Variants in LAMA4 observed in about 807,000 individuals in gnomAD.
LAMA4 encodes laminin subunit alpha 4, also known as laminin subunit alpha-4.
LAMA4 carries 127 observed loss-of-function variants against 207.1 expected under a neutral mutation model. That is an observed-to-expected ratio of 0.61 (90% CI 0.53 to 0.71). LAMA4 has a LOEUF of 0.71. LAMA4 is among the 30% of genes least tolerant of loss of function. LAMA4 has a pLI of 0.00. For missense variants in LAMA4, 2,093 were observed against 2,246.5 expected (o/e 0.93, Z 1.38); for synonymous variants, 761 against 816.0 (o/e 0.93, Z 1.15).
intron 8 of LAMA4, chr6:112,187,202 G>A: frequency 1.7e-6 from 1 of 584,718 alleles, no homozygotes. Context: ...TAGTCTTTTA[G>A]TCATTTCATT....
At chr6:112,127,066 A>G (rs1419562595) in intron 31 of LAMA4, among the ~76,000 whole-genome samples, 5 of 152,184 alleles carry the variant, frequency 3.3e-5, no homozygotes, top group Non-Finnish European at 7.3e-5. Context: ...TTCATGCATT[A>G]ACTCATTTAG....
rs1330183231 is a variant in LAMA4 at position 112,201,695 on chromosome 6, T to C, written c.423-7A>G. On this transcript the variant is annotated splice_region_variant and splice_polypyrimidine_tract_variant and intron_variant, in intron 4 of 38. Transcript: ENST00000230538. The stretch of plus-strand genomic sequence containing the variant: ...ATAGCAGGATTCTGCAAAACTAAAA[T>C]TGGAAGCAAATATTGGAAGTCAATT... The C allele has an allele frequency of 6.2e-7, 1 of 1,612,508 alleles. No homozygotes were observed. The highest frequency in any genetic ancestry group is 8.5e-7 in the Non-Finnish European group (1 of 1,178,794).
intron 3 of LAMA4, among the ~76,000 whole-genome samples, chr6:112,209,801 G>A (rs1447638591): frequency 6.6e-6 from 1 of 152,194 alleles, no homozygotes; most frequent in Non-Finnish European, 1.5e-5. Context: ...AATAAAAAAG[G>A]TATGTTGTTG....
chr6:112,149,395 C>T (rs1360507920), intron 17 of LAMA4, among the ~76,000 whole-genome samples: 1 of 151,954 alleles, frequency 6.6e-6, no homozygotes, highest in Non-Finnish European at 1.5e-5. Flanking sequence ...GAATTGTAAT[C>T]TTCCATAATC....
intron 3 of LAMA4, among the ~76,000 whole-genome samples, chr6:112,209,065 T>G (rs1395906652): frequency 6.6e-6 from 1 of 152,106 alleles, no homozygotes; most frequent in African/African-American, 2.4e-5. Context: ...TAAAGGAAAT[T>G]AACATGAACC....
At chr6:112,254,965 T>A (rs1341924999), upstream of LAMA4, 1 of 152,182 alleles carries the variant, frequency 6.6e-6, no homozygotes, top group Non-Finnish European at 1.5e-5. Context: ...GCTAATATCT[T>A]CTCTTCAGAT....
intron 31 of LAMA4, among the ~76,000 whole-genome samples, chr6:112,124,404 T>C (rs1778554333): frequency 6.6e-6 from 1 of 152,206 alleles, no homozygotes; most frequent in African/African-American, 2.4e-5. Context: ...CAAAAATCAA[T>C]AAACTCGGGT....
chr6:112,130,543 A>G (rs996436854), intron 29 of LAMA4, among the ~76,000 whole-genome samples: 10 of 152,104 alleles, frequency 6.6e-5, no homozygotes, highest in Non-Finnish European at 1.0e-4. Context: ...TATGAAAAAT[A>G]AATTCAGTAT....
chr6:112,239,026 T>C (rs1554367129), intron 2 of LAMA4, among the ~76,000 whole-genome samples: 1 of 152,068 alleles, frequency 6.6e-6, no homozygotes, highest in African/African-American at 2.4e-5. Flanking sequence ...ATACAGATAA[T>C]AAAGATTAAA....
intron 2 of LAMA4, among the ~76,000 whole-genome samples, chr6:112,237,922 G>A (rs1786054322): frequency 6.6e-6 from 1 of 152,150 alleles, no homozygotes; most frequent in Non-Finnish European, 1.5e-5. Flanking sequence ...ACTGTTTCCC[G>A]ATTAATGTTG....
At chr6:112,200,824 T>C (rs1783697727) in intron 5 of LAMA4, among the ~76,000 whole-genome samples, 1 of 150,770 alleles carries the variant, frequency 6.6e-6, no homozygotes, top group Non-Finnish European at 1.5e-5. Flanking sequence ...TAAGTGGGAG[T>C]TGAACAATGA....
At chr6:112,139,567 C>T (rs571111646) in intron 23 of LAMA4, among the ~76,000 whole-genome samples, 185 bp downstream of exon 23, 1 of 152,304 alleles carries the variant, frequency 6.6e-6, no homozygotes, top group South Asian at 2.1e-4. Flanking sequence ...TTTAACACTT[C>T]ATACTTGGGC....
intron 2 of LAMA4, among the ~76,000 whole-genome samples, chr6:112,251,107 G>A (rs1451587413): frequency 6.6e-6 from 1 of 152,072 alleles, no homozygotes; most frequent in Admixed American, 6.6e-5. Context: ...AAGAAGCAAA[G>A]GTGGGAAAAT....
At chr6:112,164,709 A>G (rs1477905379) in intron 13 of LAMA4, among the ~76,000 whole-genome samples, 4 of 152,242 alleles carry the variant, frequency 2.6e-5, no homozygotes, top group African/African-American at 9.6e-5. Context: ...CTACTTTTAC[A>G]AAATGTGACT....
At chr6:112,186,420 T>C (rs2114935633) in intron 8 of LAMA4, among the ~76,000 whole-genome samples, 1 of 152,340 alleles carries the variant, frequency 6.6e-6, no homozygotes, top group Admixed American at 6.5e-5. Context: ...AATTCCATTT[T>C]CCCTCAGCTA....
rs1779527779 is a variant in LAMA4 at position 112,139,139 on chromosome 6, A to C, written c.3263T>G (p.Ile1088Ser). 1 of 1,614,074 alleles carries C rather than the reference A, an allele frequency of 6.2e-7. No individual in the cohort carries two copies. The highest frequency in any genetic ancestry group is 1.3e-5 in the African/African-American group (1 of 74,938). Residue 1088 changes from isoleucine (I) to serine (S), a missense_variant, in exon 24 of 39, where the codon ATT becomes AGT. Coordinates refer to ENST00000230538, the MANE Select transcript of LAMA4 (RefSeq NM_001105206.3). ...EVRTPADNGLILLMVNGSMFF... is the reference protein window; with the variant it reads ...EVRTPADNGLSLLMVNGSMFF... ...ACTCACTCCATTGACCATCAGGAGA[A>C]TAAGGCCGTTGTCAGCTGGTGTTCG...
At position 112,120,268 on chromosome 6, in the gene LAMA4, C is replaced by T. The variant is rs377415750; in HGVS notation, c.4665+15G>A. On this transcript the variant is annotated intron_variant, in intron 33 of 38. Transcript: ENST00000230538. ...AGCTATTTGCTGGTAATGCTGTTCT[C>T]TGCCTTCAACTTACATCATGCCACA... The T allele has an allele frequency of 8.1e-5, 131 of 1,609,636 alleles. No individual in the cohort carries two copies. In the African/African-American group the frequency reaches 1.5e-3, roughly 19 times the overall value.
intron 13 of LAMA4, among the ~76,000 whole-genome samples, chr6:112,163,708 A>G (rs2114822995): frequency 6.6e-6 from 1 of 152,338 alleles, no homozygotes; most frequent in South Asian, 2.1e-4. Context: ...TGTGAAGCTG[A>G]GCAGAATGGT....
At chr6:112,187,966 T>A (rs1782794706) in intron 7 of LAMA4, among the ~76,000 whole-genome samples, 1 of 152,172 alleles carries the variant, frequency 6.6e-6, no homozygotes, top group African/African-American at 2.4e-5. Context: ...TGACATCTGA[T>A]GAGGGTACCA....
Sources: allele counts gnomAD v4.1 joint callset (sites outside exome capture counted in the v4.1 genomes callset), GRCh38; gene constraint gnomAD v4.1.1; transcripts MANE v1.5; gene names NCBI Gene and HGNC (gene_info 2026-07-23, HGNC 2026-07-21).